The following GALNT13 variants were observed in gnomAD, a reference collection of about 807,000 sequenced individuals.
The protein encoded by GALNT13 is polypeptide N-acetylgalactosaminyltransferase 13, also known as UDP-GalNAc:polypeptide N-acetylgalactosaminyltransferase 13.
In GALNT13, 28 loss-of-function variants were observed where a neutral mutation model predicts 64.2. That is an observed-to-expected ratio of 0.44 (90% CI 0.32 to 0.60). The LOEUF (loss-of-function observed/expected upper bound fraction) is 0.60, where lower values mean the gene tolerates loss of function less well. GALNT13 is among the 20% of genes least tolerant of loss of function. The probability of loss-of-function intolerance (pLI) is 0.05; values close to 1 mark genes in which losing one functional copy is unlikely to be tolerated. For missense variants in GALNT13, 577 were observed against 669.8 expected (o/e 0.86, Z 1.53); for synonymous variants, 214 against 224.6 (o/e 0.95, Z 0.42).
At chr2:153,213,780 T>C in the GALNT13 span, among the ~76,000 whole-genome samples, 2 of 152,212 alleles carry the variant, frequency 1.3e-5, no homozygotes, top group Admixed American at 1.3e-4. Flanking sequence ...TGGATTTTTC[T>C]GAGGATGACA....
the GALNT13 span, among the ~76,000 whole-genome samples, chr2:153,105,890 T>C: frequency 1.3e-5 from 2 of 152,128 alleles, no homozygotes; most frequent in Non-Finnish European, 2.9e-5. Flanking sequence ...TGGAAGAACA[T>C]TTAGTTTAGC....
the GALNT13 span, among the ~76,000 whole-genome samples, chr2:153,272,424 AAC>A: frequency 1.3e-5 from 2 of 152,002 alleles, no homozygotes. Flanking sequence ...GAAAAAAAAA[AAC>A]AACCCTATCA....
the GALNT13 span, among the ~76,000 whole-genome samples, chr2:153,176,146 A>G: frequency 6.6e-6 from 1 of 152,196 alleles, no homozygotes; most frequent in Non-Finnish European, 1.5e-5. Flanking sequence ...TAAACTCTGA[A>G]TCAGAAACCC....
chr2:153,591,225 A>G, the GALNT13 span, among the ~76,000 whole-genome samples: 1 of 152,096 alleles, frequency 6.6e-6, no homozygotes, highest in African/African-American at 2.4e-5. Flanking sequence ...CTACAAAAAA[A>G]TTACCTAGGA....
chr2:153,956,914 A>G (rs1388973224), intron 3 of GALNT13, among the ~76,000 whole-genome samples: 3 of 152,174 alleles, frequency 2.0e-5, no homozygotes, highest in African/African-American at 2.4e-5. Context: ...TATGTAGACT[A>G]TCTCCGAGAA....
At chr2:153,679,515 A>C in the GALNT13 span, among the ~76,000 whole-genome samples, 4 of 151,948 alleles carry the variant, frequency 2.6e-5, no homozygotes, top group Admixed American at 2.0e-4. Flanking sequence ...TATGCATAGT[A>C]CGTGTGTTTC....
chr2:153,576,268 T>A, the GALNT13 span, among the ~76,000 whole-genome samples: 2 of 152,110 alleles, frequency 1.3e-5, no homozygotes, highest in Non-Finnish European at 2.9e-5. Flanking sequence ...CCGGCTGGTC[T>A]CTTAGTAGGT....
chr2:154,235,453 T>C (rs1019139591), intron 4 of GALNT13, among the ~76,000 whole-genome samples: 2 of 152,170 alleles, frequency 1.3e-5, no homozygotes, highest in African/African-American at 4.8e-5. Flanking sequence ...TGCCCAAGTT[T>C]TGTTTGCATG....
At chr2:154,359,537 G>A (rs190531994) in intron 9 of GALNT13, among the ~76,000 whole-genome samples, 4 of 152,164 alleles carry the variant, frequency 2.6e-5, no homozygotes, top group Admixed American at 6.6e-5. Context: ...GAGCTAAAAC[G>A]AGGCAAAGGT....
intron 3 of GALNT13, among the ~76,000 whole-genome samples, chr2:154,014,131 A>C (rs1696833942): frequency 6.6e-6 from 1 of 152,142 alleles, no homozygotes; most frequent in Non-Finnish European, 1.5e-5. Context: ...CCAAATGCAA[A>C]AGCCACTTAG....
At chr2:153,256,763 C>T in the GALNT13 span, among the ~76,000 whole-genome samples, 9,624 of 152,216 alleles carry the variant, frequency 0.063, 370 homozygotes, top group Middle Eastern at 0.17. Context: ...TTAGGCTGCT[C>T]GGGGGTCAAG....
the GALNT13 span, among the ~76,000 whole-genome samples, chr2:153,613,366 T>C: frequency 6.6e-5 from 10 of 152,190 alleles, no homozygotes. Context: ...TACTCCTTGC[T>C]ACCTATTTTA....
At chr2:153,998,131 T>C (rs923881048) in intron 3 of GALNT13, among the ~76,000 whole-genome samples, 1 of 152,170 alleles carries the variant, frequency 6.6e-6, no homozygotes, top group Non-Finnish European at 1.5e-5. Flanking sequence ...TATAGTAGAA[T>C]GATTTATAAT....
chr2:153,646,036 T>C, the GALNT13 span, among the ~76,000 whole-genome samples: 2 of 152,124 alleles, frequency 1.3e-5, no homozygotes, highest in African/African-American at 4.8e-5. Context: ...AAACTATCAT[T>C]ATTTCTATTT....
At chr2:153,696,742 A>T in the GALNT13 span, among the ~76,000 whole-genome samples, 5 of 152,212 alleles carry the variant, frequency 3.3e-5, no homozygotes, top group Non-Finnish European at 7.3e-5. Flanking sequence ...AAAACTGCAG[A>T]TAAGTGGAGG....
At chr2:154,395,948 A>C in intron 9 of GALNT13, 43 bp from the exon 10 acceptor site, 1 of 1,542,980 alleles carries the variant, frequency 6.5e-7, no homozygotes, top group Non-Finnish European at 8.7e-7. Flanking sequence ...GTACTAAAAC[A>C]AAAATAGCAC....
chr2:154,262,505 C>T (rs1690754432), intron 8 of GALNT13, among the ~76,000 whole-genome samples: 1 of 152,146 alleles, frequency 6.6e-6, no homozygotes, highest in Non-Finnish European at 1.5e-5. Context: ...GCAGTTAGGT[C>T]TTAATGCTTC....
intron 10 of GALNT13, among the ~76,000 whole-genome samples, chr2:154,407,779 C>T (rs1163737767): frequency 1.3e-5 from 2 of 151,990 alleles, no homozygotes; most frequent in Non-Finnish European, 2.9e-5. Flanking sequence ...TAACATTTAC[C>T]AAATGGGAAT....
At chr2:154,138,265 G>A (rs998065290) in intron 3 of GALNT13, among the ~76,000 whole-genome samples, 1 of 151,952 alleles carries the variant, frequency 6.6e-6, no homozygotes, top group Non-Finnish European at 1.5e-5. Flanking sequence ...GAAGACTCCT[G>A]TGTACACATA....
Sources: gnomAD v4.1 joint callset for allele counts (sites outside exome capture counted in the v4.1 genomes callset) on GRCh38, gnomAD v4.1.1 for gene constraint, MANE v1.5 for transcripts, NCBI Gene and HGNC (gene_info 2026-07-23, HGNC 2026-07-21) for gene names.